Variants in CNTNAP2 observed in about 807,000 individuals in gnomAD.
CNTNAP2 encodes contactin associated protein 2.
CNTNAP2 carries 98 observed loss-of-function variants against 155.2 expected under a neutral mutation model. The observed-to-expected ratio is 0.63, with a 90% CI of 0.54 to 0.75. The LOEUF is 0.75. Ranked by LOEUF, CNTNAP2 falls within the 30% of genes least tolerant of loss-of-function variation. The pLI, the probability that CNTNAP2 is intolerant of heterozygous loss-of-function variation, is 0.00. For missense variants in CNTNAP2, 1,727 were observed against 1,688.1 expected, an observed-to-expected ratio of 1.02 and a Z score of -0.40; for synonymous variants, 651 against 631.2, an observed-to-expected ratio of 1.03 and a Z score of -0.47.
chr7:147,966,746 A>G (rs772528458), intron 14 of CNTNAP2, among the ~76,000 whole-genome samples: 18 of 152,128 alleles, frequency 1.2e-4, no homozygotes, highest in Admixed American at 2.0e-4. Context: ...GGAGTGGACT[A>G]TCGCTGTTTA....
intron 12 of CNTNAP2, among the ~76,000 whole-genome samples, chr7:147,608,893 T>C (rs1801125888): frequency 6.6e-6 from 1 of 151,754 alleles, no homozygotes. Context: ...GGTTGTTCTC[T>C]GGCAGGCAGG....
rs1043396753 is a variant in CNTNAP2 at position 146,683,510 on chromosome 7, C to T, written c.98-90761C>T. 3.2e-4 allele frequency among the ~76,000 whole-genome samples: 49 copies of T among 152,252 alleles called. 1 individual carries two copies. The highest frequency in any genetic ancestry group is 2.7e-3 in the Admixed American group (41 of 15,290). ...ACCAGATGAACTCAAACTACAGTGC[C>T]ACAAGAGACATTGGAAATTCTGTGT... is the stretch of plus-strand genomic sequence containing the variant. On this transcript the variant is annotated intron_variant, in intron 1 of 23. Transcript: ENST00000361727.
chr7:147,175,394 T>C (rs1802319762), intron 8 of CNTNAP2, among the ~76,000 whole-genome samples: 1 of 152,204 alleles, frequency 6.6e-6, no homozygotes, highest in African/African-American at 2.4e-5. Flanking sequence ...TTAGCTTAAA[T>C]ATTCATTTAA....
intron 21 of CNTNAP2, among the ~76,000 whole-genome samples, chr7:148,334,857 A>G (rs1180494389): frequency 1.3e-5 from 2 of 152,224 alleles, no homozygotes; most frequent in African/African-American, 4.8e-5. Context: ...CCTCCTGAAA[A>G]GACACAGCCA....
intron 13 of CNTNAP2, chr7:147,849,778 G>A (rs1798891239): frequency 6.6e-6 from 1 of 152,254 alleles, no homozygotes; most frequent in African/African-American, 2.4e-5. Flanking sequence ...AGGCAAGTGA[G>A]ATGGTCATCA....
At chr7:146,526,684 C>T (rs978241507) in intron 1 of CNTNAP2, among the ~76,000 whole-genome samples, 1 of 152,134 alleles carries the variant, frequency 6.6e-6, no homozygotes. Context: ...GTGTCACCTA[C>T]TATTGTCTGT....
chr7:147,019,909 T>C (rs1196627342), intron 3 of CNTNAP2, among the ~76,000 whole-genome samples: 1 of 152,000 alleles, frequency 6.6e-6, no homozygotes, highest in African/African-American at 2.4e-5. Context: ...AAAAAATAAG[T>C]GGACAGAAAT....
chr7:146,958,676 G>C (rs1038578552), intron 3 of CNTNAP2, among the ~76,000 whole-genome samples: 1 of 152,016 alleles, frequency 6.6e-6, no homozygotes, highest in Admixed American at 6.6e-5. Context: ...GCCTCCCAAA[G>C]TGCTGGGATT....
At chr7:146,427,540 A>G (rs571578455) in intron 1 of CNTNAP2, among the ~76,000 whole-genome samples, 1 of 152,320 alleles carries the variant, frequency 6.6e-6, no homozygotes, top group Admixed American at 6.5e-5. Flanking sequence ...TAAGGACACT[A>G]GAAATCTAGC....
intron 1 of CNTNAP2, among the ~76,000 whole-genome samples, chr7:146,222,991 G>A (rs1799233750): frequency 6.6e-6 from 1 of 152,042 alleles, no homozygotes; most frequent in East Asian, 1.9e-4. Context: ...ATGACAGTGA[G>A]GACACTTGGT....
chr7:148,096,656 G>C (rs369476207), intron 15 of CNTNAP2, among the ~76,000 whole-genome samples: 2 of 152,188 alleles, frequency 1.3e-5, no homozygotes, highest in South Asian at 4.2e-4. Context: ...AGAGACAGGA[G>C]AGCATCGAAA....
intron 3 of CNTNAP2, among the ~76,000 whole-genome samples, chr7:146,907,679 C>T (rs1418219387): frequency 1.3e-5 from 2 of 149,974 alleles, no homozygotes; most frequent in Non-Finnish European, 1.5e-5. Flanking sequence ...ACAACCGGTA[C>T]CAGCTGCTGC....
chr7:147,005,560 G>C (rs1798510141), intron 3 of CNTNAP2, among the ~76,000 whole-genome samples: 1 of 151,972 alleles, frequency 6.6e-6, no homozygotes, highest in Non-Finnish European at 1.5e-5. Flanking sequence ...TAGAGATTAG[G>C]CCTAAATACC....
chr7:147,762,155 TCACACACACACACACA>T (rs72526174), intron 13 of CNTNAP2, among the ~76,000 whole-genome samples: 1 of 144,348 alleles, frequency 6.9e-6, no homozygotes, highest in Non-Finnish European at 1.5e-5. Flanking sequence ...TCTCTCTGTC[TCACACACACACACACA>T]CACACACACA....
chr7:148,344,332 G>A (rs535436739), intron 21 of CNTNAP2, among the ~76,000 whole-genome samples: 61 of 152,208 alleles, frequency 4.0e-4, no homozygotes, highest in Non-Finnish European at 7.5e-4. Context: ...GAAGTCAATC[G>A]ATTGATGAAT....
chr7:147,240,859 A>C (rs78482762), intron 8 of CNTNAP2, among the ~76,000 whole-genome samples: 4,161 of 152,322 alleles, frequency 0.027, 84 homozygotes, highest in Non-Finnish European at 0.042. Flanking sequence ...GACTCCTTTC[A>C]TTTAAACATA....
intron 3 of CNTNAP2, among the ~76,000 whole-genome samples, chr7:146,976,300 G>A (rs781341339): frequency 9.2e-5 from 14 of 152,102 alleles, no homozygotes; most frequent in Non-Finnish European, 1.9e-4. Flanking sequence ...CTGTCCTCCA[G>A]CCCAGTTGCA....
chr7:147,480,686 C>T (rs973908114), intron 10 of CNTNAP2, among the ~76,000 whole-genome samples: 1 of 152,172 alleles, frequency 6.6e-6, no homozygotes, highest in African/African-American at 2.4e-5. Flanking sequence ...ATCGTGTTAG[C>T]CCTGGCTGCA....
At chr7:147,381,121 A>T (rs1208841499) in intron 9 of CNTNAP2, among the ~76,000 whole-genome samples, 2 of 152,152 alleles carry the variant, frequency 1.3e-5, no homozygotes, top group Admixed American at 1.3e-4. Context: ...CTGATTGAGC[A>T]GCTGCTGGGT....
Sources: allele counts gnomAD v4.1 joint callset (sites outside exome capture counted in the v4.1 genomes callset), GRCh38; gene constraint gnomAD v4.1.1; transcripts MANE v1.5; gene names NCBI Gene and HGNC (gene_info 2026-07-23, HGNC 2026-07-21).